Variants in FAM81B observed in about 807,000 individuals in gnomAD.
FAM81B encodes protein FAM81B.
FAM81B carries 60 observed loss-of-function variants against 58.7 expected under a neutral mutation model. The ratio of observed to expected loss-of-function variants is 1.02; its 90% CI spans 0.83 to 1.27. FAM81B has a LOEUF of 1.27. Ranked by LOEUF, FAM81B falls within the 50% of genes most tolerant of loss-of-function variation. The pLI is 0.00. For synonymous variants in FAM81B, 189 were observed against 179.6 expected (o/e 1.05, Z -0.42); for missense variants, 491 against 522.0 (o/e 0.94, Z 0.58).
intron 6 of FAM81B, among the ~76,000 whole-genome samples, chr5:95,436,253 T>C (rs1308302918): frequency 1.3e-5 from 2 of 152,216 alleles, no homozygotes; most frequent in Non-Finnish European, 1.5e-5. Context: ...CCTAAGTCAT[T>C]TCACTTGGGA....
At chr5:95,443,948 G>A (rs1490427521) in intron 7 of FAM81B, among the ~76,000 whole-genome samples, 3 of 152,042 alleles carry the variant, frequency 2.0e-5, no homozygotes, top group East Asian at 3.9e-4. Flanking sequence ...AAGAGTAAAT[G>A]CTCTCATTTA....
intron 3 of FAM81B, among the ~76,000 whole-genome samples, chr5:95,403,845 A>G (rs1762175359): frequency 6.6e-6 from 1 of 152,164 alleles, no homozygotes; most frequent in Admixed American, 6.5e-5. Context: ...TGCTCTTACC[A>G]TAACCAATTG....
At chr5:95,423,127 G>T (rs963020494) in intron 5 of FAM81B, among the ~76,000 whole-genome samples, 1 of 149,846 alleles carries the variant, frequency 6.7e-6, no homozygotes, top group African/African-American at 2.5e-5. Context: ...CTATTCCAAT[G>T]AGCATTTTGG....
rs1288630729 is a variant in FAM81B at position 95,446,709 on chromosome 5, T to G, written c.1029+12T>G. The G allele has an allele frequency of 1.9e-6, 3 of 1,609,754 alleles. No homozygotes were observed. Among genetic ancestry groups the G allele is most frequent in the Non-Finnish European group, 2.5e-6 (3 of 1,178,882 alleles). On this transcript the variant is annotated intron_variant, in intron 8 of 9. Transcript: ENST00000283357. ...TACAGGAGAAACTGGTGAGGAGTTC[T>G]GTTATTTTGTGAAGCAAGCACCTGC...
intron 1 of FAM81B, among the ~76,000 whole-genome samples, chr5:95,392,166 G>A (rs1344618915): frequency 1.3e-5 from 2 of 152,184 alleles, no homozygotes; most frequent in Non-Finnish European, 2.9e-5. Context: ...GGAATACTAT[G>A]CAGCCATAAA....
At chr5:95,421,972 A>G (rs906849659) in intron 5 of FAM81B, among the ~76,000 whole-genome samples, 5 of 152,194 alleles carry the variant, frequency 3.3e-5, no homozygotes, top group African/African-American at 1.2e-4. Context: ...GGAAGTGGAA[A>G]GAGAAACAGA....
At chr5:95,424,954 G>A (rs574435123) in intron 5 of FAM81B, among the ~76,000 whole-genome samples, 1 of 152,200 alleles carries the variant, frequency 6.6e-6, no homozygotes, top group African/African-American at 2.4e-5. Flanking sequence ...AAGATACTAT[G>A]AAGATTAATC....
intron 4 of FAM81B, among the ~76,000 whole-genome samples, chr5:95,419,573 A>G (rs1404914565): frequency 6.6e-6 from 1 of 152,196 alleles, no homozygotes; most frequent in African/African-American, 2.4e-5. Flanking sequence ...GTTAAAAACC[A>G]TGGTTCTTGG....
intron 6 of FAM81B, among the ~76,000 whole-genome samples, chr5:95,435,715 A>G (rs1189506023): frequency 1.3e-5 from 2 of 152,138 alleles, no homozygotes; most frequent in Non-Finnish European, 2.9e-5. Context: ...AAAGATGACC[A>G]TCTTTGTCCC....
At chr5:95,395,739 G>A (rs1211143872) in intron 2 of FAM81B, among the ~76,000 whole-genome samples, 2 of 152,118 alleles carry the variant, frequency 1.3e-5, no homozygotes, top group African/African-American at 4.8e-5. Flanking sequence ...AAAATTAGCT[G>A]TTTCTCCTTA....
intron 3 of FAM81B, among the ~76,000 whole-genome samples, chr5:95,409,190 G>A (rs571544975): frequency 3.3e-5 from 5 of 152,020 alleles, no homozygotes; most frequent in African/African-American, 7.2e-5. Flanking sequence ...ATGGAGTCTC[G>A]CTCTGTCGCC....
intron 3 of FAM81B, among the ~76,000 whole-genome samples, chr5:95,400,809 C>G (rs1762092374): frequency 6.6e-6 from 1 of 151,988 alleles, no homozygotes; most frequent in African/African-American, 2.4e-5. Flanking sequence ...GAGCCCTCTT[C>G]CGGGCAACCT....
chr5:95,415,951 A>T lies in FAM81B; in HGVS notation c.537+1761A>T. Among the ~76,000 whole-genome samples the T allele has an allele frequency of 1.3e-5, 2 of 152,196 alleles. 1 individual carries two copies. Among genetic ancestry groups the T allele is most frequent in the African/African-American group, 4.8e-5 (2 of 41,452 alleles). On this transcript the variant is annotated intron_variant, in intron 4 of 9. Coordinates refer to ENST00000283357, the MANE Select transcript of FAM81B (RefSeq NM_152548.3). ...ACAGTTTATTTTTCTGTAATAATTGACTATCTTAGATTAGCTCTCTAAAAA... is the reference window on the plus strand; with the variant it reads ...ACAGTTTATTTTTCTGTAATAATTGTCTATCTTAGATTAGCTCTCTAAAAA...
chr5:95,450,086 A>G, intron 9 of FAM81B, 63 bp from the exon 10 acceptor site: 1 of 1,528,890 alleles, frequency 6.5e-7, no homozygotes, highest in Non-Finnish European at 8.7e-7. Context: ...CCGATTAGCA[A>G]CTTTTTTAAA....
intron 3 of FAM81B, among the ~76,000 whole-genome samples, chr5:95,397,515 C>T (rs1761995487): frequency 2.6e-5 from 4 of 152,166 alleles, no homozygotes; most frequent in African/African-American, 9.7e-5. Context: ...CTATTACAAA[C>T]CTGTGTGGAT....
chr5:95,448,335 A>C lies in FAM81B; in HGVS notation c.1096A>C (p.Asn366His). Residue 366 changes from asparagine (N) to histidine (H), a missense_variant, in exon 9 of 10, where the codon AAC (asparagine) becomes CAC (histidine). Asn to His is a moderately conservative substitution (Grantham distance 68). Coordinates refer to ENST00000283357, the MANE Select transcript of FAM81B (RefSeq NM_152548.3). ...TTCAAGCAAAGTAGAGAATTTCATT[A>C]ACACACAGAAACAGGAAACACAACT... ...QLSSKVENFI[N>H]TQKQETQLSK... 1 of 1,611,612 alleles carries C rather than the reference A, an allele frequency of 6.2e-7. No homozygotes were observed. Among genetic ancestry groups the C allele is most frequent in the Non-Finnish European group, 8.5e-7 (1 of 1,179,394 alleles).
chr5:95,447,081 A>T (rs781410433), intron 8 of FAM81B, among the ~76,000 whole-genome samples: 6 of 152,126 alleles, frequency 3.9e-5, no homozygotes, highest in Non-Finnish European at 8.8e-5. Flanking sequence ...TTTTCTGAAG[A>T]TCTCTTAGTA....
chr5:95,438,920 G>A (rs1373607287), intron 7 of FAM81B, among the ~76,000 whole-genome samples: 2 of 151,166 alleles, frequency 1.3e-5, no homozygotes, highest in Non-Finnish European at 3.0e-5. Flanking sequence ...ACAGAGAAAG[G>A]ATATGTATAT....
chr5:95,445,094 A>G (rs1203308850), intron 7 of FAM81B, among the ~76,000 whole-genome samples: 1 of 152,200 alleles, frequency 6.6e-6, no homozygotes, highest in African/African-American at 2.4e-5. Flanking sequence ...GTATTTTCTA[A>G]TAATTAGCCC....
Sources: gnomAD v4.1 joint callset for allele counts (sites outside exome capture counted in the v4.1 genomes callset) on GRCh38, gnomAD v4.1.1 for gene constraint, MANE v1.5 for transcripts, NCBI Gene and HGNC (gene_info 2026-07-23, HGNC 2026-07-21) for gene names.